The following IL1RAPL1 variants were observed in gnomAD, a reference collection of about 807,000 sequenced individuals.
IL1RAPL1 encodes the protein interleukin 1 receptor accessory protein like 1.
In IL1RAPL1, 3 loss-of-function variants were observed where a neutral mutation model predicts 48.4. The ratio of observed to expected loss-of-function variants is 0.06; its 90% CI spans 0.03 to 0.16. The LOEUF (loss-of-function observed/expected upper bound fraction) is 0.16, where lower values mean the gene tolerates loss of function less well. Ranked by LOEUF, IL1RAPL1 falls within the 10% of genes least tolerant of loss-of-function variation. The pLI, the probability that IL1RAPL1 is intolerant of heterozygous loss-of-function variation, is 1.00. For missense variants in IL1RAPL1, 349 were observed against 530.6 expected (o/e 0.66, Z 3.36); for synonymous variants, 185 against 187.7 (o/e 0.99, Z 0.12).
chrX:29,016,458 C>T lies in IL1RAPL1; in HGVS notation c.82+227033C>T, dbSNP rs193120165. 3.4e-3 allele frequency among the ~76,000 whole-genome samples: 383 copies of T among 111,106 alleles called. 3 individuals carry two copies. The highest frequency in any genetic ancestry group is 0.012 in the African/African-American group (369 of 30,690). ...TAATATATATAATCTTCTTAAAATT[C>T]CATATGTTACTCTAGAACAGCCTTT... On this transcript the variant is annotated intron_variant, in intron 2 of 10. Transcript: ENST00000378993.
chrX:29,539,090 G>A (rs1357177914), intron 5 of IL1RAPL1, among the ~76,000 whole-genome samples: 2 of 111,166 alleles, frequency 1.8e-5, no homozygotes, highest in East Asian at 2.8e-4. Context: ...AACCTGGCAA[G>A]GACACAATGA....
In IL1RAPL1 at chrX:29,044,358, A is replaced by C. The variant is rs1028917381; in HGVS notation, c.83-238580A>C. ...GGCAGGAGAATCACTTGAACCTGGG[A>C]GGTGGTGGTTACAGTGAGCCAAGAT... is the stretch of plus-strand genomic sequence containing the variant. On this transcript the variant is annotated intron_variant, in intron 2 of 10. Transcript: ENST00000378993. 4.5e-5 allele frequency among the ~76,000 whole-genome samples: 5 copies of C among 110,896 alleles called. No homozygotes were observed. In the Admixed American group the frequency reaches 4.8e-4, roughly 11 times the overall value.
chrX:29,361,366 C>T (rs1375227971), intron 3 of IL1RAPL1, among the ~76,000 whole-genome samples: 7 of 111,841 alleles, frequency 6.3e-5, no homozygotes, highest in African/African-American at 2.3e-4. Flanking sequence ...GGGCTCATAA[C>T]CAGAGTAAAG....
chrX:29,134,514 T>C (rs1375554398), intron 2 of IL1RAPL1, among the ~76,000 whole-genome samples: 1 of 111,831 alleles, frequency 8.9e-6, no homozygotes, highest in Non-Finnish European at 1.9e-5. Flanking sequence ...ACCCTGCTTC[T>C]TTTTCCACCC....
In IL1RAPL1 at chrX:29,592,255, G is replaced by A. The variant is rs939626184; in HGVS notation, c.704-76175G>A. 2.7e-5 allele frequency among the ~76,000 whole-genome samples: 3 copies of A among 111,437 alleles called. No individual in the cohort carries two copies. The Admixed American group carries it at 2.9e-4, about 11-fold the overall frequency. ...GCTTTATTAAATATTATGATTCTTAGATTAGTTGTATCATCTGTGAATGAG... is the reference window on the plus strand; with the variant it reads ...GCTTTATTAAATATTATGATTCTTAAATTAGTTGTATCATCTGTGAATGAG... On this transcript the variant is annotated intron_variant, in intron 5 of 10. Coordinates refer to ENST00000378993, the MANE Select transcript of IL1RAPL1 (RefSeq NM_014271.4).
At chrX:29,158,910 T>TTCTTTTCTCTCTCTCTCTCTCTCTCTCTC (rs1555969872) in intron 2 of IL1RAPL1, among the ~76,000 whole-genome samples, 1 of 84,443 alleles carries the variant, frequency 1.2e-5, no homozygotes, top group African/African-American at 5.1e-5. Flanking sequence ...TTCTTTTCTT[T>TTCTTTTCTCTCTCTCTCTCTCTCTCTCTC]TCTCTCTCTC....
chrX:29,485,536 T>A (rs1261138168), intron 5 of IL1RAPL1, among the ~76,000 whole-genome samples: 1 of 111,269 alleles, frequency 9.0e-6, no homozygotes, highest in Non-Finnish European at 1.9e-5. Flanking sequence ...TGATTTCAAG[T>A]ACTGTGCTCC....
intron 5 of IL1RAPL1, among the ~76,000 whole-genome samples, chrX:29,547,108 T>C (rs1413176971): frequency 1.8e-5 from 2 of 111,912 alleles, no homozygotes; most frequent in African/African-American, 3.2e-5. Flanking sequence ...ATTTTGAAAA[T>C]TGAAAATCAC....
At chrX:28,778,649 T>G (rs1702830007) in intron 1 of IL1RAPL1, among the ~76,000 whole-genome samples, 1 of 112,011 alleles carries the variant, frequency 8.9e-6, no homozygotes, top group African/African-American at 3.2e-5. Context: ...ACTTTCCATT[T>G]TAGCTAGTCA....
chrX:29,741,509 A>G lies in IL1RAPL1; in HGVS notation c.778+73005A>G, dbSNP rs1928196074. On this transcript the variant is annotated intron_variant, in intron 6 of 10. Transcript: ENST00000378993. ...TTCCCTTCAGCTATTACGAGAGTAA[A>G]GCAGAGACCTAAGGTCTGGCATATG... 2.7e-5 allele frequency among the ~76,000 whole-genome samples: 3 copies of G among 111,514 alleles called. No individual in the cohort carries two copies. The South Asian group carries it at 1.1e-3, about 42-fold the overall frequency.
chrX:28,768,778 T>TATATATATAC (rs768805531), intron 1 of IL1RAPL1, among the ~76,000 whole-genome samples: 901 of 75,957 alleles, frequency 0.012, 15 homozygotes, highest in Non-Finnish European at 0.019. Flanking sequence ...TATATATATA[T>TATATATATAC]ACACACACTA....
intron 2 of IL1RAPL1, among the ~76,000 whole-genome samples, chrX:29,236,933 C>A (rs7888131): frequency 0.21 from 23,058 of 108,560 alleles, 2,969 homozygotes; most frequent in African/African-American, 0.45. Context: ...TTATATATCC[C>A]ATATTAGTAA....
chrX:29,359,690 A>T (rs748576427), intron 3 of IL1RAPL1, among the ~76,000 whole-genome samples: 2 of 111,570 alleles, frequency 1.8e-5, no homozygotes, highest in African/African-American at 6.5e-5. Flanking sequence ...ATCCCTCTCA[A>T]CTATTCAAGG....
At chrX:29,078,004 A>C (rs1927717640) in intron 2 of IL1RAPL1, among the ~76,000 whole-genome samples, 1 of 112,239 alleles carries the variant, frequency 8.9e-6, no homozygotes, top group South Asian at 3.7e-4. Context: ...GCGGCCCAGC[A>C]CGGTGGCTCG....
At chrX:29,491,481 A>G (rs1218656638) in intron 5 of IL1RAPL1, among the ~76,000 whole-genome samples, 1 of 112,319 alleles carries the variant, frequency 8.9e-6, no homozygotes, top group Non-Finnish European at 1.9e-5. Context: ...TGGCTCATTG[A>G]TGAATGCAAA....
intron 6 of IL1RAPL1, among the ~76,000 whole-genome samples, chrX:29,903,508 G>T (rs1932541139): frequency 9.0e-6 from 1 of 110,950 alleles, no homozygotes; most frequent in Non-Finnish European, 1.9e-5. Flanking sequence ...AATTAGAGGA[G>T]AATTTTCTTT....
intron 6 of IL1RAPL1, among the ~76,000 whole-genome samples, chrX:29,705,253 C>T (rs1180245281): frequency 3.6e-5 from 4 of 111,588 alleles, no homozygotes; most frequent in East Asian, 2.8e-4. Context: ...CTTGCTGTGT[C>T]GCCCAGGCTG....
At chrX:29,464,746 G>A (rs770074673) in intron 5 of IL1RAPL1, among the ~76,000 whole-genome samples, 2 of 112,158 alleles carry the variant, frequency 1.8e-5, no homozygotes, top group East Asian at 5.6e-4. Flanking sequence ...ATACTATGCA[G>A]CCATAAAAAA....
intron 5 of IL1RAPL1, among the ~76,000 whole-genome samples, chrX:29,418,119 A>T (rs1287088352): frequency 0.042 from 1,293 of 30,750 alleles, 126 homozygotes; most frequent in African/African-American, 0.055. Flanking sequence ...ATATATATAT[A>T]TATATATTTT....
Sources: gnomAD v4.1 joint callset for allele counts (sites outside exome capture counted in the v4.1 genomes callset) on GRCh38, gnomAD v4.1.1 for gene constraint, MANE v1.5 for transcripts, NCBI Gene and HGNC (gene_info 2026-07-23, HGNC 2026-07-21) for gene names.